The following SNX31 variants were observed in gnomAD, a reference collection of about 807,000 sequenced individuals.
SNX31 encodes sorting nexin-31.
SNX31 carries 58 observed loss-of-function variants against 65.4 expected under a neutral mutation model. That is an observed-to-expected ratio of 0.89 (90% CI 0.72 to 1.10). The LOEUF is 1.10. Ranked by LOEUF, SNX31 falls within the 50% of genes least tolerant of loss-of-function variation. The pLI is 0.00. For missense variants in SNX31, 523 were observed against 529.7 expected, an observed-to-expected ratio of 0.99 and a Z score of 0.12; for synonymous variants, 181 against 190.1, an observed-to-expected ratio of 0.95 and a Z score of 0.39.
intron 9 of SNX31, among the ~76,000 whole-genome samples, chr8:100,598,097 C>T (rs551054515): frequency 3.0e-4 from 45 of 152,316 alleles, no homozygotes; most frequent in African/African-American, 1.0e-3. Flanking sequence ...TACAGTGAAA[C>T]AGGCTGAGTC....
chr8:100,641,565 AATATAT>A (rs1237945389), intron 2 of SNX31, among the ~76,000 whole-genome samples: 18 of 32,106 alleles, frequency 5.6e-4, no homozygotes, highest in African/African-American at 1.6e-3. Flanking sequence ...AAAAAAAAAA[AATATAT>A]ATATATATAT....
chr8:100,578,158 C>T lies in SNX31; in HGVS notation c.1171-1083G>A, dbSNP rs1813201658. Among the ~76,000 whole-genome samples the T allele has an allele frequency of 6.6e-6, 1 of 152,184 alleles. No homozygotes were observed. Among genetic ancestry groups the T allele is most frequent in the Non-Finnish European group, 1.5e-5 (1 of 68,034 alleles). ...AGGGTAAGGTTGTAGTACACAGTCTCCCAGGGCACAGAGCAGAGTGGGAGT... is the reference window on the plus strand; with the variant it reads ...AGGGTAAGGTTGTAGTACACAGTCTTCCAGGGCACAGAGCAGAGTGGGAGT... On this transcript the variant is annotated intron_variant, in intron 12 of 13. Coordinates refer to ENST00000311812, the MANE Select transcript of SNX31 (RefSeq NM_152628.4). The surrounding 1 kb of genome is among the most constrained non-coding windows in gnomAD (Gnocchi z 4.7).
intron 9 of SNX31, among the ~76,000 whole-genome samples, chr8:100,599,312 T>C (rs1815393410): frequency 6.6e-6 from 1 of 152,188 alleles, no homozygotes; most frequent in African/African-American, 2.4e-5. Context: ...TTAAGAAGTT[T>C]ATAGGGCAGA....
chr8:100,577,340 G>C (rs1448501329), intron 12 of SNX31, among the ~76,000 whole-genome samples: 1 of 152,160 alleles, frequency 6.6e-6, no homozygotes, highest in Non-Finnish European at 1.5e-5. Flanking sequence ...ATTGAAGAAA[G>C]CTTTTAAAAG....
At chr8:100,632,838 C>T (rs549962412) in intron 3 of SNX31, among the ~76,000 whole-genome samples, 1 of 152,110 alleles carries the variant, frequency 6.6e-6, no homozygotes, top group Non-Finnish European at 1.5e-5. Flanking sequence ...CTCAAGTGAT[C>T]CTCTTGCCTC....
At chr8:100,658,824 C>T (rs1030840812) in intron 1 of SNX31, among the ~76,000 whole-genome samples, 3 of 152,248 alleles carry the variant, frequency 2.0e-5, no homozygotes, top group Middle Eastern at 3.4e-3. Context: ...TGCGATGAGT[C>T]GAGGTCTTGG....
Position 100,625,995 on chromosome 8 carries a change from G to A in SNX31, c.321+4332C>T, listed in dbSNP as rs972196884. On this transcript the variant is annotated intron_variant, in intron 4 of 13. Coordinates refer to ENST00000311812, the MANE Select transcript of SNX31 (RefSeq NM_152628.4). This position sits in a 1 kb window ranked among gnomAD's most constrained non-coding sequence, Gnocchi z 4.2. ...TAATCCCAGCAGTTTGGGAGGCCGAGATGGGTAGATCACCTGAGGTCAGGA... is the reference window on the plus strand; with the variant it reads ...TAATCCCAGCAGTTTGGGAGGCCGAAATGGGTAGATCACCTGAGGTCAGGA... 1.3e-5 allele frequency among the ~76,000 whole-genome samples: 2 copies of A among 152,158 alleles called. No homozygotes were observed. The highest frequency in any genetic ancestry group is 2.9e-5 in the Non-Finnish European group (2 of 68,018).
intron 11 of SNX31, among the ~76,000 whole-genome samples, chr8:100,587,411 A>G (rs1387285452): frequency 6.6e-6 from 1 of 152,228 alleles, no homozygotes; most frequent in Non-Finnish European, 1.5e-5. Context: ...CCAGATGTAC[A>G]GCACAGATTC....
Position 100,573,745 on chromosome 8 carries a change from C to CCAAA in SNX31, c.*119_*120insTTTG. ...TGATGAATACAGTCCATGTTAATGC[C>CCAAA]AAAAAAATGGGAAGAGGTCAAATTT... On this transcript the variant is annotated 3_prime_UTR_variant, in exon 14 of 14. Coordinates refer to ENST00000311812, the MANE Select transcript of SNX31 (RefSeq NM_152628.4). 1 of 595,802 alleles carries CCAAA rather than the reference C, an allele frequency of 1.7e-6. No individual in the cohort carries two copies. The highest frequency in any genetic ancestry group is 2.9e-5 in the East Asian group (1 of 34,324). The allele number at this position is 595,802 out of a possible 1,614,324, so 36.9% of individuals were successfully genotyped here. A position where few individuals can be genotyped will look rare whatever the true frequency, so the allele number is the denominator to read the frequency against.
chr8:100,629,339 A>G lies in SNX31; in HGVS notation c.321+988T>C, dbSNP rs147900415. Among the ~76,000 whole-genome samples the G allele has an allele frequency of 3.7e-3, 563 of 152,294 alleles. 6 individuals carry two copies. Among genetic ancestry groups the G allele is most frequent in the African/African-American group, 0.013 (542 of 41,556 alleles). On this transcript the variant is annotated intron_variant, in intron 4 of 13. Transcript: ENST00000311812. The surrounding 1 kb of genome is among the most constrained non-coding windows in gnomAD (Gnocchi z 5.1). Reference sequence around the variant, plus strand: ...TACGCTTGGCTATTTGAATTTTACTATCATCACCACTTCCACAGCAAACTT... The same window carrying G: ...TACGCTTGGCTATTTGAATTTTACTGTCATCACCACTTCCACAGCAAACTT...
chr8:100,641,565 A>AAAAT (rs1554587369), intron 2 of SNX31, among the ~76,000 whole-genome samples: 660 of 32,070 alleles, frequency 0.021, 40 homozygotes, highest in Non-Finnish European at 0.03. Flanking sequence ...AAAAAAAAAA[A>AAAAT]ATATATATAT....
chr8:100,652,957 G>C (rs747672616), upstream of SNX31, among the ~76,000 whole-genome samples: 2 of 152,180 alleles, frequency 1.3e-5, no homozygotes, highest in Non-Finnish European at 2.9e-5. Context: ...TGAAAAAAAG[G>C]GTCTTGAGCA....
chr8:100,612,294 G>A lies in SNX31; in HGVS notation c.524-207C>T, dbSNP rs1816780565. Among the ~76,000 whole-genome samples, 1 of 151,970 alleles carries A rather than the reference G, an allele frequency of 6.6e-6. No individual in the cohort carries two copies. Among genetic ancestry groups the A allele is most frequent in the Non-Finnish European group, 1.5e-5 (1 of 68,008 alleles). On this transcript the variant is annotated intron_variant, in intron 6 of 13. Coordinates refer to ENST00000311812, the MANE Select transcript of SNX31 (RefSeq NM_152628.4). The surrounding 1 kb of genome is among the most constrained non-coding windows in gnomAD (Gnocchi z 4.3). ...GATCCTCAAAAAAAAACAGCCCCTT[G>A]AGTGGGGGGTGTTTTACACTGTGAT... is the stretch of plus-strand genomic sequence containing the variant.
chr8:100,641,987 G>A (rs1325246142), intron 2 of SNX31, among the ~76,000 whole-genome samples: 2 of 152,022 alleles, frequency 1.3e-5, no homozygotes, highest in African/African-American at 2.4e-5. Flanking sequence ...GCTGAGGCAG[G>A]AGAATGGCGC....
chr8:100,613,729 C>T lies in SNX31; in HGVS notation c.433-644G>A, dbSNP rs1454795931. ...ACAGCTTTCATTTCAACGCCAGTGG[C>T]TTCATTTTTACCATCAGCCTACCAG... On this transcript the variant is annotated intron_variant, in intron 5 of 13. Coordinates refer to ENST00000311812, the MANE Select transcript of SNX31 (RefSeq NM_152628.4). The surrounding 1 kb of genome is among the most constrained non-coding windows in gnomAD (Gnocchi z 5.2). Among the ~76,000 whole-genome samples the T allele has an allele frequency of 1.3e-5, 2 of 152,184 alleles. No individual in the cohort carries two copies. Among genetic ancestry groups the T allele is most frequent in the African/African-American group, 4.8e-5 (2 of 41,450 alleles).
chr8:100,640,417 C>T lies in SNX31; in HGVS notation c.142-4406G>A, dbSNP rs545453451. Among the ~76,000 whole-genome samples, 6 of 152,294 alleles carry T rather than the reference C, an allele frequency of 3.9e-5. No homozygotes were observed. The South Asian group carries it at 1.0e-3, about 26-fold the overall frequency. On this transcript the variant is annotated intron_variant, in intron 2 of 13. Transcript: ENST00000311812. ...TTGGGATTACAGGCGTGAGCCACCA[C>T]GCCCAGCCATATCAGATAATTTCTA... is the stretch of plus-strand genomic sequence containing the variant.
chr8:100,634,344 A>G (rs1818603469), intron 3 of SNX31, among the ~76,000 whole-genome samples: 1 of 152,170 alleles, frequency 6.6e-6, no homozygotes, highest in African/African-American at 2.4e-5. Context: ...ACATCTCTCA[A>G]GGGCTTTCCT....
At chr8:100,636,634 T>C (rs144385089) in intron 2 of SNX31, among the ~76,000 whole-genome samples, 1 of 152,348 alleles carries the variant, frequency 6.6e-6, no homozygotes, top group African/African-American at 2.4e-5. Flanking sequence ...AATATATTAT[T>C]AAAATTAATT....
intron 2 of SNX31, among the ~76,000 whole-genome samples, chr8:100,637,597 C>A (rs906306732): frequency 6.6e-6 from 1 of 152,248 alleles, no homozygotes; most frequent in Non-Finnish European, 1.5e-5. Context: ...CATCTCTTTT[C>A]TAGATTATTG....
Sources: allele counts gnomAD v4.1 joint callset (sites outside exome capture counted in the v4.1 genomes callset), GRCh38; gene constraint gnomAD v4.1.1; non-coding constraint Gnocchi (gnomAD v3.1); transcripts MANE v1.5; gene names NCBI Gene and HGNC (gene_info 2026-07-23, HGNC 2026-07-21).